Variants in SAMTOR observed in about 807,000 individuals in gnomAD.
The protein encoded by SAMTOR is UPF0532 protein C7orf60.
At chr7:112,885,950 C>T in the SAMTOR span, among the ~76,000 whole-genome samples, 1 of 152,134 alleles carries the variant, frequency 6.6e-6, no homozygotes, top group Non-Finnish European at 1.5e-5. Flanking sequence ...GTTTAATTGA[C>T]TCACAGTTCA....
chr7:112,826,200 T>A, the SAMTOR span, among the ~76,000 whole-genome samples: 1 of 152,164 alleles, frequency 6.6e-6, no homozygotes, highest in Non-Finnish European at 1.5e-5. Flanking sequence ...TGGGAAGTAT[T>A]CCATCCATTT....
chr7:112,905,041 A>AT, the SAMTOR span, among the ~76,000 whole-genome samples: 1,620 of 152,248 alleles, frequency 0.011, 29 homozygotes, highest in African/African-American at 0.037. Context: ...TAGACCATTA[A>AT]TTCCCCACTA....
the SAMTOR span, among the ~76,000 whole-genome samples, chr7:112,923,231 A>G: frequency 6.6e-6 from 1 of 152,118 alleles, no homozygotes; most frequent in Non-Finnish European, 1.5e-5. Context: ...GGTTAAATGG[A>G]TTAAGGGCGG....
At chr7:112,825,246 C>T in the SAMTOR span, among the ~76,000 whole-genome samples, 2 of 151,624 alleles carry the variant, frequency 1.3e-5, no homozygotes, top group African/African-American at 2.4e-5. Context: ...AGGATGGTCT[C>T]GAACTTTTGG....
chr7:112,842,669 T>G, the SAMTOR span, among the ~76,000 whole-genome samples: 1 of 151,976 alleles, frequency 6.6e-6, no homozygotes, highest in Non-Finnish European at 1.5e-5. Context: ...TGTGACAACA[T>G]AGTCAACAGT....
At chr7:112,838,057 A>G in the SAMTOR span, among the ~76,000 whole-genome samples, 2 of 151,968 alleles carry the variant, frequency 1.3e-5, no homozygotes, top group Non-Finnish European at 1.5e-5. Flanking sequence ...ATCAACAAAA[A>G]GCACAAACAA....
At chr7:112,865,760 CAT>C in the SAMTOR span, among the ~76,000 whole-genome samples, 708 of 98,066 alleles carry the variant, frequency 7.2e-3, 7 homozygotes, top group Middle Eastern at 0.015. Context: ...TACATATATT[CAT>C]ATATATATTT....
At chr7:112,867,508 T>C in the SAMTOR span, among the ~76,000 whole-genome samples, 2 of 152,214 alleles carry the variant, frequency 1.3e-5, no homozygotes, top group Non-Finnish European at 2.9e-5. Flanking sequence ...TTCTTTATGA[T>C]ACAAAACTAC....
chr7:112,837,109 G>A, the SAMTOR span, among the ~76,000 whole-genome samples: 2 of 151,320 alleles, frequency 1.3e-5, no homozygotes, highest in African/African-American at 4.8e-5. Context: ...TGTCATCTCT[G>A]ATTCGAGCAT....
the SAMTOR span, among the ~76,000 whole-genome samples, chr7:112,841,111 G>A: frequency 6.6e-6 from 1 of 151,862 alleles, no homozygotes; most frequent in Non-Finnish European, 1.5e-5. Flanking sequence ...AGAAATAAAG[G>A]GTATTCAAAT....
At chr7:112,871,957 CT>C in the SAMTOR span, among the ~76,000 whole-genome samples, 1 of 152,232 alleles carries the variant, frequency 6.6e-6, no homozygotes, top group East Asian at 1.9e-4. Context: ...AATTGAAACC[CT>C]GAAGAGACCA....
At chr7:112,917,792 G>A in the SAMTOR span, among the ~76,000 whole-genome samples, 12 of 152,264 alleles carry the variant, frequency 7.9e-5, no homozygotes, top group East Asian at 1.3e-3. Flanking sequence ...CGAGAACTAC[G>A]TGAAGAATGC....
At chr7:112,832,231 T>C in the SAMTOR span, among the ~76,000 whole-genome samples, 1 of 152,038 alleles carries the variant, frequency 6.6e-6, no homozygotes, top group South Asian at 2.1e-4. Context: ...GCCAGGCTGG[T>C]CTCAAACTCC....
At chr7:112,939,775 GCC>G in the SAMTOR span, 1 of 1,539,658 alleles carries the variant, frequency 6.5e-7, no homozygotes, top group Non-Finnish European at 8.8e-7. Context: ...CGCCGCCGCC[GCC>G]CCTCAGGCCC....
chr7:112,844,619 A>G, the SAMTOR span, among the ~76,000 whole-genome samples: 1 of 152,206 alleles, frequency 6.6e-6, no homozygotes, highest in Non-Finnish European at 1.5e-5. Context: ...ATGGAAAAAC[A>G]TTCCATGTTC....
chr7:112,905,842 T>C, the SAMTOR span, among the ~76,000 whole-genome samples: 1 of 151,996 alleles, frequency 6.6e-6, no homozygotes, highest in Non-Finnish European at 1.5e-5. Context: ...ATACACCACA[T>C]ACATTACTGC....
the SAMTOR span, chr7:112,939,823 G>T: frequency 8.0e-7 from 1 of 1,245,134 alleles, no homozygotes; most frequent in Non-Finnish European, 1.1e-6. Flanking sequence ...GGTGGGGTAG[G>T]AGGAGGGAGC....
chr7:112,922,515 G>C, the SAMTOR span, among the ~76,000 whole-genome samples: 1 of 151,254 alleles, frequency 6.6e-6, no homozygotes, highest in Non-Finnish European at 1.5e-5. Context: ...AGTGAGGAGC[G>C]CCTCTTCCCG....
chr7:112,934,237 A>G, the SAMTOR span, among the ~76,000 whole-genome samples: 1 of 152,126 alleles, frequency 6.6e-6, no homozygotes, highest in African/African-American at 2.4e-5. Flanking sequence ...TGTTCCAAGG[A>G]TCTGTCCTCA....
Sources: allele counts gnomAD v4.1 joint callset (sites outside exome capture counted in the v4.1 genomes callset), GRCh38; gene constraint gnomAD v4.1.1; transcripts MANE v1.5; gene names NCBI Gene and HGNC (gene_info 2026-07-23, HGNC 2026-07-21).